The following CLASP2 variants were observed in gnomAD, a reference collection of about 807,000 sequenced individuals.
CLASP2 encodes the protein CLIP-associating protein 2.
Under a neutral mutation model 194.4 loss-of-function variants are expected in CLASP2, and 47 were observed. The ratio of observed to expected loss-of-function variants is 0.24; its 90% CI spans 0.19 to 0.31. The LOEUF (loss-of-function observed/expected upper bound fraction) is 0.31. Ranked by LOEUF, CLASP2 falls within the 10% of genes least tolerant of loss-of-function variation. The pLI is 1.00. For missense variants in CLASP2, 1,445 were observed against 1,823.6 expected, an observed-to-expected ratio of 0.79 and a Z score of 3.78; for synonymous variants, 619 against 633.5, an observed-to-expected ratio of 0.98 and a Z score of 0.34.
chr3:33,498,589 G>T lies in CLASP2; in HGVS notation c.*42C>A. On this transcript the variant is annotated 3_prime_UTR_variant, in exon 39 of 39. Transcript: ENST00000682230. Reference sequence around the variant, plus strand: ...TTTCATTGATGAGGGTGGTCTATCTGTCCTTTCTTTTGAGAGACCTGGTTC... The same window carrying T: ...TTTCATTGATGAGGGTGGTCTATCTTTCCTTTCTTTTGAGAGACCTGGTTC... 7.6e-7 allele frequency: 1 copy of T among 1,313,980 alleles called. No individual in the cohort carries two copies. The allele number at this position is 1,313,980 out of a possible 1,614,324, so 81.4% of individuals were successfully genotyped here.
chr3:33,666,205 G>A lies in CLASP2; in HGVS notation c.645-2690C>T, dbSNP rs111829426. On this transcript the variant is annotated intron_variant, in intron 6 of 38. Transcript: ENST00000682230. ...TTTCTAAAATAACAGTATTATTGAG[G>A]TAGAATTCAATACCATACAATTCAC... is the stretch of plus-strand genomic sequence containing the variant. 7.7e-3 allele frequency among the ~76,000 whole-genome samples: 1,166 copies of A among 152,236 alleles called. 11 individuals are homozygous for A. Among genetic ancestry groups the A allele is most frequent in the African/African-American group, 0.026 (1,066 of 41,514 alleles).
At chr3:33,649,499 A>G (rs937352421) in intron 7 of CLASP2, among the ~76,000 whole-genome samples, 2 of 152,248 alleles carry the variant, frequency 1.3e-5, no homozygotes, top group Non-Finnish European at 2.9e-5. Context: ...TTAAAGTAAT[A>G]CTACAAACAC....
At chr3:33,501,821 C>T in intron 37 of CLASP2, 53 bp from the exon 38 acceptor site, 3 of 1,082,350 alleles carry the variant, frequency 2.8e-6, no homozygotes, top group East Asian at 4.7e-5. Context: ...TGTTAGTACT[C>T]CCTTTTTAAC....
At chr3:33,670,140 CAT>C (rs1406722295) in intron 6 of CLASP2, among the ~76,000 whole-genome samples, 2 of 151,854 alleles carry the variant, frequency 1.3e-5, no homozygotes, top group African/African-American at 2.4e-5. Context: ...ACGTAAAAAA[CAT>C]AATTTTAACA....
At chr3:33,519,730 G>A (rs956676002) in intron 34 of CLASP2, among the ~76,000 whole-genome samples, 2 of 152,038 alleles carry the variant, frequency 1.3e-5, no homozygotes, top group Non-Finnish European at 2.9e-5. Context: ...TACTACAGTA[G>A]TTTAACTGAG....
At chr3:33,563,244 T>C (rs1031908455) in intron 27 of CLASP2, among the ~76,000 whole-genome samples, 78 of 152,234 alleles carry the variant, frequency 5.1e-4, no homozygotes, top group African/African-American at 1.8e-3. Context: ...AAGTTTAGTA[T>C]GTTTGGCCGT....
At chr3:33,630,396 C>T (rs2078861563) in intron 9 of CLASP2, among the ~76,000 whole-genome samples, 1 of 152,050 alleles carries the variant, frequency 6.6e-6, no homozygotes, top group Non-Finnish European at 1.5e-5. Flanking sequence ...TCAGTACATG[C>T]CAATAATAAG....
intron 34 of CLASP2, among the ~76,000 whole-genome samples, chr3:33,532,039 G>GAA (rs1268509596): frequency 2.6e-5 from 4 of 152,120 alleles, no homozygotes; most frequent in African/African-American, 9.7e-5. Context: ...CATCAAAATT[G>GAA]AAAACAGGGT....
chr3:33,544,777 C>T lies in CLASP2; in HGVS notation c.3218G>A (p.Gly1073Glu), dbSNP rs1387826003. ...ATCCTGAAAAGTTTTTGGTAAAGCT[C>T]CTAATAACATTGTAAACTCTGGGGT... ...LNTPEFTMLL[G>E]ALPKTFQDGA... Residue 1073 changes from glycine to glutamate, a missense_variant, in exon 31 of 39, where the codon GGA becomes GAA. Transcript: ENST00000682230. 1 of 1,613,206 alleles carries T rather than the reference C, an allele frequency of 6.2e-7. No individual in the cohort carries two copies. The highest frequency in any genetic ancestry group is 8.5e-7 in the Non-Finnish European group (1 of 1,179,466).
chr3:33,620,342 C>A (rs1240188688), intron 11 of CLASP2, among the ~76,000 whole-genome samples: 3 of 152,086 alleles, frequency 2.0e-5, no homozygotes, highest in Non-Finnish European at 2.9e-5. Flanking sequence ...TGTACTTAAA[C>A]AACTAAACCA....
intron 1 of CLASP2, among the ~76,000 whole-genome samples, chr3:33,703,553 A>G (rs2092506361): frequency 6.6e-6 from 1 of 152,242 alleles, no homozygotes; most frequent in Admixed American, 6.5e-5. Flanking sequence ...AGCTATATAT[A>G]CTTTCCCCCA....
chr3:33,576,917 A>T (rs536417019), intron 23 of CLASP2, among the ~76,000 whole-genome samples: 6 of 150,186 alleles, frequency 4.0e-5, no homozygotes, highest in African/African-American at 1.2e-4. Context: ...TTTTTTTTTT[A>T]AACATATATA....
intron 34 of CLASP2, among the ~76,000 whole-genome samples, chr3:33,533,118 A>G (rs988138914): frequency 8.5e-5 from 13 of 152,218 alleles, no homozygotes; most frequent in African/African-American, 2.9e-4. Flanking sequence ...ATGTGCATAA[A>G]TGATTTTTAA....
At chr3:33,585,266 T>C (rs992316638) in intron 21 of CLASP2, among the ~76,000 whole-genome samples, 1 of 152,248 alleles carries the variant, frequency 6.6e-6, no homozygotes, top group Non-Finnish European at 1.5e-5. Flanking sequence ...CCATTTCATA[T>C]GGCTATCATG....
chr3:33,640,656 C>T (rs1388062463), intron 8 of CLASP2, among the ~76,000 whole-genome samples: 3 of 151,964 alleles, frequency 2.0e-5, no homozygotes, highest in African/African-American at 7.2e-5. Context: ...AAATCTGGTA[C>T]TAGTTATTTT....
chr3:33,631,434 G>A (rs776065056), intron 9 of CLASP2, among the ~76,000 whole-genome samples: 3 of 152,068 alleles, frequency 2.0e-5, no homozygotes, highest in Non-Finnish European at 2.9e-5. Context: ...GGTGGCTCAC[G>A]CCTGTAACCC....
rs770289937 is a variant in CLASP2 at position 33,498,595 on chromosome 3, T to C, written c.*36A>G. ...TGATGAGGGTGGTCTATCTGTCCTT[T>C]CTTTTGAGAGACCTGGTTCGCTGTG... On this transcript the variant is annotated 3_prime_UTR_variant, in exon 39 of 39. Transcript: ENST00000682230. 4.9e-6 allele frequency: 7 copies of C among 1,426,752 alleles called. No homozygotes were observed. Among genetic ancestry groups the C allele is most frequent in the Non-Finnish European group, 5.9e-6 (6 of 1,014,016 alleles). The allele number at this position is 1,426,752 out of a possible 1,614,324, so 88.4% of individuals were successfully genotyped here. A position where few individuals can be genotyped will look rare whatever the true frequency, so the allele number is the denominator to read the frequency against.
At chr3:33,607,531 CTA>C in intron 14 of CLASP2, 70 bp from the exon 15 acceptor site, 1 of 985,598 alleles carries the variant, frequency 1.0e-6, no homozygotes, top group East Asian at 2.6e-5. Flanking sequence ...TACTTAAGGC[CTA>C]TATGTTACAT....
At chr3:33,601,189 T>C (rs1388875238) in intron 18 of CLASP2, among the ~76,000 whole-genome samples, 1 of 152,102 alleles carries the variant, frequency 6.6e-6, no homozygotes, top group Non-Finnish European at 1.5e-5. Context: ...CTCGATCTCC[T>C]GACTTCGTGA....
Sources: gnomAD v4.1 joint callset for allele counts (sites outside exome capture counted in the v4.1 genomes callset) on GRCh38, gnomAD v4.1.1 for gene constraint, MANE v1.5 for transcripts, NCBI Gene and HGNC (gene_info 2026-07-23, HGNC 2026-07-21) for gene names.